IL18RAP: variants seen among roughly 807,000 people sequenced by gnomAD.
IL18RAP encodes the protein interleukin 18 receptor accessory protein.
A neutral mutation model predicts 58.1 loss-of-function variants in IL18RAP; 37 were observed. The ratio of observed to expected loss-of-function variants is 0.64; its 90% CI spans 0.49 to 0.84. The LOEUF (loss-of-function observed/expected upper bound fraction) is 0.84. Among genes scored for constraint, IL18RAP ranks in the 40% least tolerant of loss-of-function variants. The pLI, the probability that IL18RAP is intolerant of heterozygous loss-of-function variation, is 0.00. For missense variants in IL18RAP, 667 were observed against 704.8 expected (o/e 0.95, Z 0.61); for synonymous variants, 268 against 257.5 (o/e 1.04, Z -0.39).
At chr2:102,439,201 C>T (rs55645612) in intron 4 of IL18RAP, 39,271 of 152,072 alleles carry the variant, frequency 0.26, 5,371 homozygotes, top group East Asian at 0.4. Context: ...AATTTGTATT[C>T]AAGATAGATC....
In IL18RAP at chr2:102,452,448, C is replaced by A. The variant is rs988193427; in HGVS notation, c.*267C>A. Reference sequence around the variant, plus strand: ...CCCTAAGATTTCCCAGTGGTCCGAGCAGAATCAGAAAATACAGCTACTTCT... The same window carrying A: ...CCCTAAGATTTCCCAGTGGTCCGAGAAGAATCAGAAAATACAGCTACTTCT... On this transcript the variant is annotated 3_prime_UTR_variant, in exon 10 of 10. Coordinates refer to ENST00000687160, the MANE Select transcript of IL18RAP (RefSeq NM_001393487.1). 2 of 396,954 alleles carry A rather than the reference C, an allele frequency of 5.0e-6. No homozygotes were observed. The highest frequency in any genetic ancestry group is 2.0e-5 in the African/African-American group (1 of 49,422). 24.6% of individuals were successfully genotyped at this position (396,954 alleles called of 1,614,324 possible).
intron 4 of IL18RAP, among the ~76,000 whole-genome samples, chr2:102,437,924 C>T (rs1265355650): frequency 1.3e-5 from 2 of 152,142 alleles, no homozygotes. Flanking sequence ...GTGTCATAAA[C>T]ACTTGGTATT....
chr2:102,451,700 G>A lies in IL18RAP; in HGVS notation c.1385-66G>A, dbSNP rs558106898. ...TCCTCCTTATGTAAGAGAATCCATT[G>A]CAAGGACCTCTCTGACTCAAGGTTT... On this transcript the variant is annotated intron_variant, in intron 9 of 9. Coordinates refer to ENST00000687160, the MANE Select transcript of IL18RAP (RefSeq NM_001393487.1). 3.7e-6 allele frequency: 5 copies of A among 1,350,630 alleles called. No individual in the cohort carries two copies. In the South Asian group the frequency reaches 4.0e-5, roughly 11 times the overall value. The allele number at this position is 1,350,630 out of a possible 1,614,324, so 83.7% of individuals were successfully genotyped here. A position where few individuals can be genotyped will look rare whatever the true frequency, so the allele number is the denominator to read the frequency against.
intron 3 of IL18RAP, among the ~76,000 whole-genome samples, chr2:102,430,343 A>G (rs1682255546): frequency 6.6e-6 from 1 of 151,872 alleles, no homozygotes; most frequent in South Asian, 2.1e-4. Context: ...TTTTTTACTG[A>G]AAGTCTATTT....
intron 3 of IL18RAP, among the ~76,000 whole-genome samples, chr2:102,425,897 T>C (rs1681906135): frequency 6.6e-6 from 1 of 152,192 alleles, no homozygotes; most frequent in Admixed American, 6.5e-5. Flanking sequence ...GGAAGCTTTG[T>C]TTCACTTCCC....
intron 3 of IL18RAP, among the ~76,000 whole-genome samples, chr2:102,433,299 T>C (rs994338413): frequency 7.9e-5 from 12 of 152,192 alleles, no homozygotes; most frequent in Non-Finnish European, 1.0e-4. Context: ...CACAGCTCCC[T>C]GCAGTCTTGA....
At chr2:102,430,535 C>A (rs1682273889) in intron 3 of IL18RAP, among the ~76,000 whole-genome samples, 1 of 151,922 alleles carries the variant, frequency 6.6e-6, no homozygotes, top group African/African-American at 2.4e-5. Context: ...TTTGATTAAT[C>A]CATTTACATT....
At chr2:102,431,616 C>G (rs114763561) in intron 3 of IL18RAP, among the ~76,000 whole-genome samples, 221 of 151,916 alleles carry the variant, frequency 1.5e-3, no homozygotes, top group African/African-American at 4.8e-3. Flanking sequence ...GCTCCTCTGA[C>G]TAGATAATTT....
intron 7 of IL18RAP, 39 bp from the exon 8 acceptor site, chr2:102,447,031 C>T (rs1337861456): frequency 6.2e-7 from 1 of 1,603,266 alleles, no homozygotes; most frequent in South Asian, 1.1e-5. Context: ...TCCAATCCCG[C>T]TGCCTCTATG....
chr2:102,447,493 G>T (rs1264640686), intron 8 of IL18RAP, among the ~76,000 whole-genome samples: 1 of 152,070 alleles, frequency 6.6e-6, no homozygotes, highest in African/African-American at 2.4e-5. Flanking sequence ...TTTCATTCCA[G>T]TTGCCAGGAA....
chr2:102,441,946 G>A (rs527309900), intron 5 of IL18RAP, among the ~76,000 whole-genome samples: 1 of 152,230 alleles, frequency 6.6e-6, no homozygotes, highest in Admixed American at 6.5e-5. Context: ...AGTGGCTGGA[G>A]CATGAAACCT....
chr2:102,435,282 C>G (rs1354931417), intron 3 of IL18RAP: 1 of 152,104 alleles, frequency 6.6e-6, no homozygotes, highest in East Asian at 1.9e-4. Flanking sequence ...GAGTGTGAGT[C>G]CTGATCCAGG....
chr2:102,424,291 T>C lies in IL18RAP; in HGVS notation c.456T>C (p.Asn152=), dbSNP rs1358299710. Residue 152 remains asparagine (N), a synonymous_variant, in exon 3 of 10, where the codon AAT becomes AAC. Transcript: ENST00000687160. ...TTTTAGAAGTTAAGCCCCAGACAAA[T>C]GCATCCTGTGAGTATTCCGCATCAC... ...KMILEVKPQT[N]ASCEYSASHK... The C allele has an allele frequency of 2.5e-6, 4 of 1,614,084 alleles. No individual in the cohort carries two copies. The South Asian group carries it at 4.4e-5, about 18-fold the overall frequency.
upstream of IL18RAP, among the ~76,000 whole-genome samples, chr2:102,422,448 G>T (rs1018599403): frequency 6.6e-6 from 1 of 152,154 alleles, no homozygotes; most frequent in Non-Finnish European, 1.5e-5. Context: ...GATGCCCCAG[G>T]CTCCCTCCAG....
rs776069610 is a variant in IL18RAP at position 102,447,123 on chromosome 2, G to A, written c.1126G>A (p.Ala376Thr). Residue 376 changes from alanine (A) to threonine (T), a missense_variant, in exon 8 of 10, where the codon GCG becomes ACG. Physicochemically the swap from Ala to Thr is moderately conservative, Grantham distance 58. Transcript: ENST00000687160. The part of the protein sequence containing the change: ...GTIGTLVAVL[A>T]ASALLYRHWI... ...CATCGGGACCCTGGTGGCCGTGCTG[G>A]CGGCGAGTGCCCTCCTCTACAGGCA... is the stretch of plus-strand genomic sequence containing the variant. The A allele has an allele frequency of 6.2e-7, 1 of 1,614,128 alleles. No individual in the cohort carries two copies. The highest frequency in any genetic ancestry group is 2.2e-5 in the East Asian group (1 of 44,862).
At chr2:102,429,246 T>C (rs1457756640) in intron 3 of IL18RAP, among the ~76,000 whole-genome samples, 2 of 151,956 alleles carry the variant, frequency 1.3e-5, no homozygotes, top group African/African-American at 4.8e-5. Flanking sequence ...TTCAGTCTCC[T>C]TATTCATTAT....
rs1481885851 is a variant in IL18RAP at position 102,452,097 on chromosome 2, C to T, written c.1716C>T (p.Leu572=). The change falls in exon 10 of 10, where the codon CTC becomes CTT. Residue 572 remains leucine (L), a synonymous_variant. Coordinates refer to ENST00000687160, the MANE Select transcript of IL18RAP (RefSeq NM_001393487.1). Reference sequence around the variant, plus strand: ...CTCAGGGATTCACGTGGAACCAGCTCAGAATTACCTCTAGGATTTTTCAGT... The same window carrying T: ...CTCAGGGATTCACGTGGAACCAGCTTAGAATTACCTCTAGGATTTTTCAGT... The part of the protein sequence containing the change: ...KNSQGFTWNQ[L]RITSRIFQWK... The T allele has an allele frequency of 1.8e-5, 29 of 1,613,964 alleles. No homozygotes were observed. Among genetic ancestry groups the T allele is most frequent in the Non-Finnish European group, 2.3e-5 (27 of 1,180,030 alleles).
At chr2:102,423,386 G>C in intron 1 of IL18RAP, 39 bp downstream of exon 1, 1 of 1,527,174 alleles carries the variant, frequency 6.5e-7, no homozygotes, top group Non-Finnish European at 9.1e-7. Context: ...CTGTGAGTCT[G>C]TGGTCAAGTG....
chr2:102,447,730 T>TATG (rs1558647597), intron 8 of IL18RAP, among the ~76,000 whole-genome samples: 136 of 61,970 alleles, frequency 2.2e-3, no homozygotes, highest in African/African-American at 9.3e-3. Context: ...ATGTATGTAT[T>TATG]TATTTATTTA....
Sources: allele counts gnomAD v4.1 joint callset (sites outside exome capture counted in the v4.1 genomes callset), GRCh38; gene constraint gnomAD v4.1.1; transcripts MANE v1.5; gene names NCBI Gene and HGNC (gene_info 2026-07-23, HGNC 2026-07-21).